The following TACR3 variants were observed in gnomAD, a reference collection of about 807,000 sequenced individuals.
TACR3 encodes the protein neuromedin-K receptor.
A neutral mutation model predicts 35.0 loss-of-function variants in TACR3; 34 were observed. The observed-to-expected ratio is 0.97, with a 90% CI of 0.74 to 1.30. The LOEUF (loss-of-function observed/expected upper bound fraction) is 1.30. TACR3 is among the 50% of genes most tolerant of loss of function. TACR3 has a pLI of 0.00. For synonymous variants in TACR3, 233 were observed against 221.1 expected (o/e 1.05, Z -0.48); for missense variants, 558 against 591.7 (o/e 0.94, Z 0.59).
At chr4:103,715,615 A>G (rs1049739139) in intron 1 of TACR3, among the ~76,000 whole-genome samples, 1 of 152,174 alleles carries the variant, frequency 6.6e-6, no homozygotes, top group Non-Finnish European at 1.5e-5. Flanking sequence ...TATGTGGTTT[A>G]AAAAAATATT....
intron 1 of TACR3, among the ~76,000 whole-genome samples, chr4:103,677,789 G>T (rs1344852741): frequency 2.0e-5 from 3 of 151,990 alleles, no homozygotes; most frequent in Non-Finnish European, 4.4e-5. Flanking sequence ...GAAACGATCT[G>T]TTTGGCAAAC....
chr4:103,594,529 A>T (rs754946645), intron 3 of TACR3, among the ~76,000 whole-genome samples: 2 of 152,218 alleles, frequency 1.3e-5, no homozygotes, highest in Non-Finnish European at 2.9e-5. Flanking sequence ...CATTCTAAGC[A>T]AATGTTAAGA....
At chr4:103,682,964 A>G (rs1722134678) in intron 1 of TACR3, among the ~76,000 whole-genome samples, 1 of 152,142 alleles carries the variant, frequency 6.6e-6, no homozygotes, top group Non-Finnish European at 1.5e-5. Context: ...CAATCACCGA[A>G]GTGACATCTC....
At chr4:103,696,822 C>A (rs1722530807) in intron 1 of TACR3, among the ~76,000 whole-genome samples, 1 of 152,142 alleles carries the variant, frequency 6.6e-6, no homozygotes, top group South Asian at 2.1e-4. Context: ...ACATTGGTTT[C>A]AAATTTTACT....
chr4:103,700,929 C>T lies in TACR3; in HGVS notation c.548+18199G>A, dbSNP rs1722636142. 2.6e-5 allele frequency among the ~76,000 whole-genome samples: 4 copies of T among 152,252 alleles called. No homozygotes were observed. In the South Asian group the frequency reaches 8.3e-4, roughly 32 times the overall value. ...TAATAAGAGCTATCTATGACAAACC[C>T]ACAGCCAATATCATACTGAATGGGC... On this transcript the variant is annotated intron_variant, in intron 1 of 4. Transcript: ENST00000304883.
At chr4:103,602,094 C>CT (rs1471936659) in intron 3 of TACR3, among the ~76,000 whole-genome samples, 1 of 152,088 alleles carries the variant, frequency 6.6e-6, no homozygotes, top group Non-Finnish European at 1.5e-5. Context: ...TCTTTTTATT[C>CT]TTTTTTCTCT....
chr4:103,644,652 A>T lies in TACR3; in HGVS notation c.888+11542T>A, dbSNP rs545506895. ...CATAATACATAACAGAAATTTAAAA[A>T]TTTTTTTCTAGTTCCTGACTTTCAT... On this transcript the variant is annotated intron_variant, in intron 3 of 4. Transcript: ENST00000304883. 3.9e-3 allele frequency among the ~76,000 whole-genome samples: 589 copies of T among 151,762 alleles called. 2 individuals are homozygous for T. Among genetic ancestry groups the T allele is most frequent in the Admixed American group, 5.9e-3 (90 of 15,176 alleles).
intron 1 of TACR3, among the ~76,000 whole-genome samples, chr4:103,708,604 C>T (rs1459542257): frequency 6.6e-6 from 1 of 152,166 alleles, no homozygotes. Context: ...AGCACCTCTC[C>T]CCCTCCAAAG....
chr4:103,703,092 A>T (rs1045043515), intron 1 of TACR3, among the ~76,000 whole-genome samples: 4 of 152,196 alleles, frequency 2.6e-5, no homozygotes, highest in African/African-American at 9.6e-5. Context: ...TGTAAAAAAT[A>T]TACCTCAAAA....
intron 3 of TACR3, among the ~76,000 whole-genome samples, chr4:103,602,762 A>G (rs139134489): frequency 1.6e-3 from 240 of 152,282 alleles, no homozygotes; most frequent in African/African-American, 5.5e-3. Context: ...TTTGTCTCAG[A>G]GGAGTACCAG....
At chr4:103,617,517 GA>G (rs1300440406) in intron 3 of TACR3, among the ~76,000 whole-genome samples, 1 of 152,014 alleles carries the variant, frequency 6.6e-6, no homozygotes, top group East Asian at 1.9e-4. Flanking sequence ...AATTTTGGGG[GA>G]CTTCTAAGCA....
Position 103,719,714 on chromosome 4 carries a change from A to G in TACR3, c.-39T>C. ...CAGTCCCGGACCCTCCCACTCACCCACGGGCAGCCCAAGACGAGACTCCTC... is the reference window on the plus strand; with the variant it reads ...CAGTCCCGGACCCTCCCACTCACCCGCGGGCAGCCCAAGACGAGACTCCTC... On this transcript the variant is annotated 5_prime_UTR_variant, in exon 1 of 5. Coordinates refer to ENST00000304883, the MANE Select transcript of TACR3 (RefSeq NM_001059.3). The G allele has an allele frequency of 6.2e-7, 1 of 1,602,080 alleles. No homozygotes were observed. The highest frequency in any genetic ancestry group is 2.2e-5 in the East Asian group (1 of 44,804).
intron 1 of TACR3, among the ~76,000 whole-genome samples, chr4:103,682,962 G>A (rs1049778652): frequency 6.6e-5 from 10 of 152,084 alleles, no homozygotes; most frequent in East Asian, 1.9e-4. Flanking sequence ...TTCAATCACC[G>A]AAGTGACATC....
intron 3 of TACR3, among the ~76,000 whole-genome samples, chr4:103,610,899 G>A (rs1418159931): frequency 2.0e-5 from 3 of 152,082 alleles, no homozygotes; most frequent in Admixed American, 6.6e-5. Context: ...CCCAATGTGT[G>A]TTCTTGGTGC....
intron 3 of TACR3, among the ~76,000 whole-genome samples, chr4:103,596,124 T>C (rs4699086): frequency 0.75 from 107,306 of 143,438 alleles, 40,640 homozygotes; most frequent in East Asian, 0.98. Context: ...TGTATATGTG[T>C]CACGTTTTCT....
chr4:103,693,936 C>A (rs904085730), intron 1 of TACR3, among the ~76,000 whole-genome samples: 4 of 152,020 alleles, frequency 2.6e-5, no homozygotes, highest in African/African-American at 7.2e-5. Context: ...AACTTTATTT[C>A]CAAATAATTA....
chr4:103,690,679 C>A (rs1160736174), intron 1 of TACR3, among the ~76,000 whole-genome samples: 2 of 152,064 alleles, frequency 1.3e-5, no homozygotes, highest in Non-Finnish European at 2.9e-5. Context: ...AATACATATT[C>A]TTGTCAAGGG....
intron 3 of TACR3, among the ~76,000 whole-genome samples, chr4:103,596,546 G>A (rs1042637193): frequency 6.6e-6 from 1 of 152,014 alleles, no homozygotes; most frequent in African/African-American, 2.4e-5. Context: ...GGTCAGCTAG[G>A]TGTGACAAAA....
intron 3 of TACR3, among the ~76,000 whole-genome samples, chr4:103,599,604 C>G (rs1023981355): frequency 1.2e-4 from 18 of 152,110 alleles, no homozygotes; most frequent in African/African-American, 4.3e-4. Flanking sequence ...TCATAGATAG[C>G]TCTTATTATT....
Sources: allele counts gnomAD v4.1 joint callset (sites outside exome capture counted in the v4.1 genomes callset), GRCh38; gene constraint gnomAD v4.1.1; transcripts MANE v1.5; gene names NCBI Gene and HGNC (gene_info 2026-07-23, HGNC 2026-07-21).